The following AVEN variants were observed in gnomAD, a reference collection of about 807,000 sequenced individuals.
AVEN encodes the protein apoptosis and caspase activation inhibitor, also known as cell death regulator Aven.
AVEN carries 41 observed loss-of-function variants against 38.1 expected under a neutral mutation model. The observed-to-expected ratio is 1.08, with a 90% CI of 0.84 to 1.40. The LOEUF (loss-of-function observed/expected upper bound fraction) is 1.40. Among genes scored for constraint, AVEN ranks in the 40% most tolerant of loss-of-function variants. The pLI is 0.00. For synonymous variants in AVEN, 206 were observed against 171.8 expected, an observed-to-expected ratio of 1.20 and a Z score of -1.56; for missense variants, 605 against 438.8, an observed-to-expected ratio of 1.38 and a Z score of -3.38.
intron 1 of AVEN, among the ~76,000 whole-genome samples, chr15:34,072,296 C>A (rs1900643723): frequency 1.4e-5 from 2 of 148,100 alleles, no homozygotes; most frequent in South Asian, 2.2e-4. Flanking sequence ...TACATATATT[C>A]TAAGAAAACA....
At chr15:33,873,691 G>A (rs1219694434) in intron 3 of AVEN, among the ~76,000 whole-genome samples, 1 of 151,830 alleles carries the variant, frequency 6.6e-6, no homozygotes, top group Non-Finnish European at 1.5e-5. Flanking sequence ...TTTTGATGGT[G>A]AAATGAATTC....
At chr15:33,914,203 G>GTT (rs1444439114) in intron 2 of AVEN, among the ~76,000 whole-genome samples, 3 of 151,730 alleles carry the variant, frequency 2.0e-5, no homozygotes, top group Non-Finnish European at 4.4e-5. Context: ...TGGTTTTATA[G>GTT]TTTTTCTTTA....
At chr15:34,050,308 C>G (rs762014106) in intron 5 of AVEN, among the ~76,000 whole-genome samples, 47 of 152,186 alleles carry the variant, frequency 3.1e-4, no homozygotes, top group Non-Finnish European at 5.6e-4. Flanking sequence ...GAATTTGTCA[C>G]CATTGGGCCT....
chr15:34,073,179 T>C (rs1156601868), intron 1 of AVEN, among the ~76,000 whole-genome samples: 2 of 149,682 alleles, frequency 1.3e-5, no homozygotes, highest in Non-Finnish European at 3.0e-5. Flanking sequence ...TAGCTGGGAC[T>C]ACAGGCGCCC....
chr15:34,008,952 G>GCACA lies in AVEN; in HGVS notation c.268-5744_268-5743insTGTG, dbSNP rs142138959. On this transcript the variant is annotated intron_variant, in intron 1 of 5. Coordinates refer to ENST00000306730, the MANE Select transcript of AVEN (RefSeq NM_020371.3). ...AAAACACACACTCACACGTGCGCGC[G>GCACA]CGCACACACACACACACACACACAG... Among the ~76,000 whole-genome samples, 412 of 95,572 alleles carry GCACA rather than the reference G, an allele frequency of 4.3e-3. 1 individual carries two copies. Among genetic ancestry groups the GCACA allele is most frequent in the East Asian group, 0.026 (98 of 3,806 alleles). 62.7% of individuals were successfully genotyped at this position (95,572 alleles called of 152,430 possible). A position where few individuals can be genotyped will look rare whatever the true frequency, so the allele number is the denominator to read the frequency against.
downstream of AVEN, among the ~76,000 whole-genome samples, chr15:33,855,678 A>G (rs995150273): frequency 6.6e-6 from 1 of 151,940 alleles, no homozygotes; most frequent in Non-Finnish European, 1.5e-5. Flanking sequence ...TTTCAGATAC[A>G]CACACACATA....
intron 2 of AVEN, chr15:33,885,522 G>A (rs1372633547): frequency 6.6e-6 from 1 of 152,120 alleles, no homozygotes. Context: ...AAGTCACTAC[G>A]GTGATTATTT....
chr15:34,061,327 TTAAA>T (rs1340426163), intron 5 of AVEN, among the ~76,000 whole-genome samples: 1 of 152,204 alleles, frequency 6.6e-6, no homozygotes, highest in East Asian at 1.9e-4. Context: ...AGAGGGTTAA[TTAAA>T]TATAGTACAT....
At chr15:33,870,670 G>T (rs567486584) in intron 4 of AVEN, among the ~76,000 whole-genome samples, 1 of 152,116 alleles carries the variant, frequency 6.6e-6, no homozygotes, top group Non-Finnish European at 1.5e-5. Context: ...AATATTTTGA[G>T]TAAAATAGCC....
intron 2 of AVEN, among the ~76,000 whole-genome samples, chr15:33,912,636 A>G (rs1357966963): frequency 9.2e-5 from 14 of 152,136 alleles, no homozygotes. Flanking sequence ...AGCTGTTCTA[A>G]TCTTAGCTCT....
At chr15:33,868,729 C>T (rs1372015830) in intron 4 of AVEN, among the ~76,000 whole-genome samples, 1 of 151,998 alleles carries the variant, frequency 6.6e-6, no homozygotes, top group Non-Finnish European at 1.5e-5. Context: ...AGTTCAAAAG[C>T]TACGGTATTA....
At chr15:33,910,133 CAAA>C (rs11313496) in intron 2 of AVEN, among the ~76,000 whole-genome samples, 25 of 123,988 alleles carry the variant, frequency 2.0e-4, no homozygotes, top group Non-Finnish European at 1.7e-4. Context: ...GACTCCATCT[CAAA>C]AAAAAAAAAA....
At chr15:33,912,998 T>TC (rs1170196751) in intron 2 of AVEN, among the ~76,000 whole-genome samples, 3 of 152,002 alleles carry the variant, frequency 2.0e-5, no homozygotes, top group African/African-American at 7.3e-5. Context: ...CGAGTGATTC[T>TC]CCTGCCTCAG....
At chr15:33,966,664 T>TCAGAC (rs58324527) in intron 2 of AVEN, among the ~76,000 whole-genome samples, 1 of 151,900 alleles carries the variant, frequency 6.6e-6, no homozygotes, top group Admixed American at 6.6e-5. Context: ...AAAGATGAGA[T>TCAGAC]AAGAGTGAGA....
intron 1 of AVEN, 106 bp downstream of exon 1, chr15:34,038,674 G>C (rs1261647092): frequency 1.0e-6 from 1 of 998,030 alleles, no homozygotes; most frequent in Non-Finnish European, 1.2e-6. Context: ...GCCGCCGCCC[G>C]TCTGGCGCGC....
chr15:33,983,291 A>G lies in AVEN; in HGVS notation c.445+19741T>C, dbSNP rs182235613. On this transcript the variant is annotated intron_variant, in intron 2 of 5. Transcript: ENST00000306730. Reference sequence around the variant, plus strand: ...ACCAACAAATGACAAAAGATAAAATAAGCTTTTTGTAACTGATTAATGAGG... The same window carrying G: ...ACCAACAAATGACAAAAGATAAAATGAGCTTTTTGTAACTGATTAATGAGG... 1.4e-3 allele frequency among the ~76,000 whole-genome samples: 219 copies of G among 151,628 alleles called. 2 individuals are homozygous for G. Among genetic ancestry groups the G allele is most frequent in the African/African-American group, 5.0e-3 (209 of 41,412 alleles).
At chr15:33,872,070 G>A (rs1027442988) in intron 3 of AVEN, among the ~76,000 whole-genome samples, 2 of 152,204 alleles carry the variant, frequency 1.3e-5, no homozygotes, top group African/African-American at 2.4e-5. Context: ...CCTGGCCTAC[G>A]ACATCTGGCT....
intron 2 of AVEN, among the ~76,000 whole-genome samples, chr15:33,903,493 T>C (rs1351029847): frequency 6.6e-6 from 1 of 152,270 alleles, no homozygotes; most frequent in Non-Finnish European, 1.5e-5. Context: ...AGTCAGTTTC[T>C]GCAGCTTGCA....
rs1265357642 is a variant in AVEN at position 34,003,192 on chromosome 15, A to G, written c.285T>C (p.Asp95=). ...GASAPVEDDS[D]AETYGEENDE... ...CATTCTCTTCTCCATAGGTCTCTGC[A>G]TCGCTGTCATCTTCAACCTGCAATC... The change falls in exon 2 of 6, where the codon GAT becomes GAC. Residue 95 remains aspartate (D), a synonymous_variant. Transcript: ENST00000306730. The G allele has an allele frequency of 6.2e-7, 1 of 1,613,574 alleles. No homozygotes were observed. Among genetic ancestry groups the G allele is most frequent in the Non-Finnish European group, 8.5e-7 (1 of 1,179,882 alleles).
Sources: gnomAD v4.1 joint callset for allele counts (sites outside exome capture counted in the v4.1 genomes callset) on GRCh38, gnomAD v4.1.1 for gene constraint, MANE v1.5 for transcripts, NCBI Gene and HGNC (gene_info 2026-07-23, HGNC 2026-07-21) for gene names.